Variants in SLC12A2 observed in about 807,000 individuals in gnomAD.
SLC12A2 encodes Na-K-2Cl cotransporter 1.
In SLC12A2, 67 loss-of-function variants were observed where a neutral mutation model predicts 136.3. That is an observed-to-expected ratio of 0.49 (90% CI 0.40 to 0.60). SLC12A2 has a LOEUF of 0.60. SLC12A2 is among the 20% of genes least tolerant of loss of function. The pLI, the probability that SLC12A2 is intolerant of heterozygous loss-of-function variation, is 0.00. For synonymous variants in SLC12A2, 619 were observed against 562.9 expected, an observed-to-expected ratio of 1.10 and a Z score of -1.41; for missense variants, 1,322 against 1,534.7, an observed-to-expected ratio of 0.86 and a Z score of 2.32.
In SLC12A2 at chr5:128,134,234, CT is replaced by C; in HGVS notation, c.1262del (p.Leu421Ter). On this transcript the variant is annotated frameshift_variant, in exon 6 of 27. Transcript: ENST00000262461. LOFTEE classifies it high-confidence loss of function. Reference protein sequence around the residue: ...RIIGAITVVILLGISVAGMEW... With the variant: ...RIIGAITVVIXLGISVAGMEW... ...TATTGGAGCCATTACAGTCGTGATT[CT>C]TTTAGGTATCTCAGTAGCTGGAATG... is the stretch of plus-strand genomic sequence containing the variant. 1 of 1,603,840 alleles carries C rather than the reference CT, an allele frequency of 6.2e-7. No homozygotes were observed. Among genetic ancestry groups the C allele is most frequent in the South Asian group, 1.1e-5 (1 of 90,690 alleles).
At chr5:128,112,546 A>G (rs1381360391) in intron 1 of SLC12A2, among the ~76,000 whole-genome samples, 1 of 152,160 alleles carries the variant, frequency 6.6e-6, no homozygotes, top group Admixed American at 6.5e-5. Context: ...TCCAGACACT[A>G]CCAAAAGTGT....
In SLC12A2 at chr5:128,182,982, C is replaced by G. The variant is rs759334450; in HGVS notation, c.3299+41C>G. 17 of 1,222,386 alleles carry G rather than the reference C, an allele frequency of 1.4e-5. No individual in the cohort carries two copies. In the Middle Eastern group the frequency reaches 1.5e-3, roughly 110 times the overall value. The allele number at this position is 1,222,386 out of a possible 1,614,324, so 75.7% of individuals were successfully genotyped here. On this transcript the variant is annotated intron_variant, in intron 24 of 26. Coordinates refer to ENST00000262461, the MANE Select transcript of SLC12A2 (RefSeq NM_001046.3). ...AATTTCTGATCCCTTTATAGATGGC[C>G]TACTCAGACACAGATTCAACTTAAT...
chr5:128,133,043 A>G (rs1431563680), intron 5 of SLC12A2, among the ~76,000 whole-genome samples: 1 of 152,154 alleles, frequency 6.6e-6, no homozygotes, highest in Non-Finnish European at 1.5e-5. Flanking sequence ...AAGCCAGTCA[A>G]TAGATACATT....
In SLC12A2 at chr5:128,174,535, C is replaced by T. The variant is rs1763481456; in HGVS notation, c.2804-6C>T. The T allele has an allele frequency of 6.3e-7, 1 of 1,592,094 alleles. No homozygotes were observed. The highest frequency in any genetic ancestry group is 2.3e-5 in the East Asian group (1 of 44,220). ...GATACTATTTTAAATAATTTTCTGT[C>T]TACAGAAGAATTATTGTCATCACAA... On this transcript the variant is annotated splice_polypyrimidine_tract_variant and splice_region_variant and intron_variant, in intron 19 of 26. Transcript: ENST00000262461.
chr5:128,089,225 A>G (rs1055958587), intron 1 of SLC12A2, among the ~76,000 whole-genome samples: 3 of 151,888 alleles, frequency 2.0e-5, no homozygotes, highest in African/African-American at 7.3e-5. Flanking sequence ...CCACTTTTAC[A>G]AAAAGTGCAG....
intron 9 of SLC12A2, among the ~76,000 whole-genome samples, chr5:128,141,056 T>TA (rs1350249342): frequency 6.6e-6 from 1 of 152,224 alleles, no homozygotes; most frequent in African/African-American, 2.4e-5. Flanking sequence ...GGAATGGTAA[T>TA]TACCATTAGT....
At chr5:128,159,484 A>T (rs1762964998) in intron 16 of SLC12A2, among the ~76,000 whole-genome samples, 1 of 152,238 alleles carries the variant, frequency 6.6e-6, no homozygotes, top group Non-Finnish European at 1.5e-5. Context: ...AGAATGGGAG[A>T]AAAGTTTTGC....
chr5:128,120,291 G>A (rs1761506763), intron 4 of SLC12A2, among the ~76,000 whole-genome samples: 1 of 145,796 alleles, frequency 6.9e-6, no homozygotes, highest in Admixed American at 7.0e-5. Flanking sequence ...CATTGTGGAA[G>A]TCAGTGTGGC....
At chr5:128,151,486 G>A in intron 14 of SLC12A2, 90 bp downstream of exon 14, 1 of 1,216,942 alleles carries the variant, frequency 8.2e-7, no homozygotes, top group Non-Finnish European at 1.1e-6. Flanking sequence ...TTCATTTTAA[G>A]CATCATCTTT....
chr5:128,142,831 C>T (rs997738408), intron 10 of SLC12A2, among the ~76,000 whole-genome samples: 1 of 151,732 alleles, frequency 6.6e-6, no homozygotes. Context: ...TTAAAATAAC[C>T]TTATGTGTGT....
chr5:128,088,043 G>A (rs927424773), intron 1 of SLC12A2, among the ~76,000 whole-genome samples: 1 of 151,118 alleles, frequency 6.6e-6, no homozygotes, highest in Non-Finnish European at 1.5e-5. Context: ...GTGTGTGTCT[G>A]TATATAAACA....
intron 19 of SLC12A2, among the ~76,000 whole-genome samples, chr5:128,172,820 G>T (rs1199024973): frequency 6.6e-6 from 1 of 152,036 alleles, no homozygotes; most frequent in Non-Finnish European, 1.5e-5. Flanking sequence ...AATTAGTGGG[G>T]CATGCTTGTA....
chr5:128,166,265 A>C (rs987183842), intron 17 of SLC12A2, among the ~76,000 whole-genome samples: 2 of 152,128 alleles, frequency 1.3e-5, no homozygotes, highest in Admixed American at 6.6e-5. Flanking sequence ...TAAATATGAG[A>C]GCAAAACCCG....
intron 1 of SLC12A2, chr5:128,111,101 T>G (rs1761127633): frequency 2.0e-6 from 1 of 488,516 alleles, no homozygotes; most frequent in African/African-American, 1.9e-5. Flanking sequence ...TCTGTGTGAT[T>G]GTTTGCAGTA....
chr5:128,154,323 G>C (rs866568110), intron 15 of SLC12A2, among the ~76,000 whole-genome samples: 2 of 151,912 alleles, frequency 1.3e-5, no homozygotes, highest in African/African-American at 2.4e-5. Context: ...GACTGAGGCT[G>C]GAGGACTGCT....
chr5:128,170,803 C>T (rs1396120249), intron 18 of SLC12A2: 2 of 152,056 alleles, frequency 1.3e-5, no homozygotes, highest in Non-Finnish European at 2.9e-5. Context: ...ATAGGATGCT[C>T]TCATTTCTGT....
intron 1 of SLC12A2, among the ~76,000 whole-genome samples, chr5:128,092,511 A>T (rs940842270): frequency 2.6e-5 from 4 of 152,236 alleles, no homozygotes; most frequent in African/African-American, 9.6e-5. Context: ...GAAATATAAT[A>T]TGAACTACAT....
intron 26 of SLC12A2, among the ~76,000 whole-genome samples, 158 bp from the exon 27 acceptor site, chr5:128,186,338 T>C (rs182689896): frequency 6.6e-6 from 1 of 152,352 alleles, no homozygotes; most frequent in Admixed American, 6.5e-5. Flanking sequence ...GTGGTTGTTA[T>C]TCTATTTGCA....
At chr5:128,096,496 T>C (rs1464477618) in intron 1 of SLC12A2, among the ~76,000 whole-genome samples, 1 of 152,086 alleles carries the variant, frequency 6.6e-6, no homozygotes, top group Non-Finnish European at 1.5e-5. Context: ...GATTTTTTTC[T>C]TTGAAAATTA....
Sources: allele counts gnomAD v4.1 joint callset (sites outside exome capture counted in the v4.1 genomes callset), GRCh38; gene constraint gnomAD v4.1.1; transcripts MANE v1.5; gene names NCBI Gene and HGNC (gene_info 2026-07-23, HGNC 2026-07-21).